The following SP1 variants were observed in gnomAD, a reference collection of about 807,000 sequenced individuals.
The protein encoded by SP1 is Sp1 transcription factor.
In SP1, 6 loss-of-function variants were observed where a neutral mutation model predicts 66.3. That is an observed-to-expected ratio of 0.09 (90% CI 0.05 to 0.18). The LOEUF is 0.18. SP1 is among the 10% of genes least tolerant of loss of function. The pLI, the probability that SP1 is intolerant of heterozygous loss-of-function variation, is 1.00. For missense variants in SP1, 848 were observed against 964.5 expected (o/e 0.88, Z 1.60); for synonymous variants, 417 against 360.8 (o/e 1.16, Z -1.77).
chr12:53,415,041 T>C lies in SP1; in HGVS notation c.*3801T>C, dbSNP rs1212031296. ...TGTGAAATCTCAGAATTTATCTCCC[T>C]TAGAAGAGAGCCAGTAACTTATGTA... is the stretch of plus-strand genomic sequence containing the variant. On this transcript the variant is annotated 3_prime_UTR_variant, in exon 6 of 6. Coordinates refer to ENST00000327443, the MANE Select transcript of SP1 (RefSeq NM_138473.3). 6.6e-6 allele frequency: 1 copy of C among 152,554 alleles called. No homozygotes were observed. Among genetic ancestry groups the C allele is most frequent in the Non-Finnish European group, 1.5e-5 (1 of 68,040 alleles). 9.5% of individuals were successfully genotyped at this position (152,554 alleles called of 1,614,324 possible). A position where few individuals can be genotyped will look rare whatever the true frequency, so the allele number is the denominator to read the frequency against.
chr12:53,401,222 G>A lies in SP1; in HGVS notation c.1676-5363G>A, dbSNP rs1386410467. ...TCCCAGCACCTTGGCAGGCCAAGGC[G>A]GGTGGATCACCTGAGGTCGGGAGTT... On this transcript the variant is annotated intron_variant, in intron 3 of 5. Transcript: ENST00000327443. Among the ~76,000 whole-genome samples the A allele has an allele frequency of 5.3e-5, 8 of 151,870 alleles. No individual in the cohort carries two copies. In the South Asian group the frequency reaches 1.3e-3, roughly 24 times the overall value.
chr12:53,409,608 A>G (rs770310138), intron 5 of SP1, 47 bp downstream of exon 5: 2 of 1,442,354 alleles, frequency 1.4e-6, no homozygotes, highest in African/African-American at 1.4e-5. Flanking sequence ...GACTAGAATG[A>G]AAAACACAAA....
At chr12:53,403,196 T>C (rs149383855) in intron 3 of SP1, among the ~76,000 whole-genome samples, 1 of 152,148 alleles carries the variant, frequency 6.6e-6, no homozygotes, top group Non-Finnish European at 1.5e-5. Context: ...CTCAAAATTA[T>C]GTGGAAGAGC....
chr12:53,380,582 G>A, intron 1 of SP1: 2 of 941,208 alleles, frequency 2.1e-6, no homozygotes, highest in Non-Finnish European at 2.6e-6. Flanking sequence ...CCCACTACTC[G>A]GCCGCCCGCC....
Position 53,383,218 on chromosome 12 carries a change from C to T in SP1, c.1271C>T (p.Thr424Ile). The T allele has an allele frequency of 1.2e-6, 2 of 1,614,202 alleles. No individual in the cohort carries two copies. Among genetic ancestry groups the T allele is most frequent in the Non-Finnish European group, 1.7e-6 (2 of 1,180,034 alleles). Residue 424 changes from threonine to isoleucine, a missense_variant, in exon 3 of 6, where the codon ACC (threonine) becomes ATC (isoleucine). Thr to Ile is a moderately conservative substitution (Grantham distance 89). Transcript: ENST00000327443. ...CAAGCAGCACCATTGTCAGGGCAGA[C>T]CTTTACAACTCAAGCCATCTCCCAG... ...ALQAAPLSGQ[T>I]FTTQAISQET... is the part of the protein sequence containing the mutation.
intron 3 of SP1, among the ~76,000 whole-genome samples, chr12:53,402,210 T>C (rs1260218527): frequency 6.6e-6 from 1 of 150,446 alleles, no homozygotes; most frequent in African/African-American, 2.4e-5. Context: ...TTTAGTGCCA[T>C]AGGCTGCACC....
chr12:53,384,621 C>T (rs1159321189), intron 3 of SP1, among the ~76,000 whole-genome samples: 3 of 152,138 alleles, frequency 2.0e-5, no homozygotes, highest in Non-Finnish European at 4.4e-5. Flanking sequence ...TTCCACACCC[C>T]TTTAAAAATG....
At chr12:53,394,291 G>T (rs1012311932) in intron 3 of SP1, among the ~76,000 whole-genome samples, 37 of 151,754 alleles carry the variant, frequency 2.4e-4, no homozygotes, top group African/African-American at 9.0e-4. Flanking sequence ...TAAATTTTGT[G>T]TAGATCATTT....
chr12:53,408,604 C>T (rs2136919000), intron 4 of SP1, among the ~76,000 whole-genome samples: 1 of 149,552 alleles, frequency 6.7e-6, no homozygotes, highest in Non-Finnish European at 1.5e-5. Flanking sequence ...CCCCTAGAAA[C>T]CTTTTTAAAA....
intron 3 of SP1, among the ~76,000 whole-genome samples, chr12:53,384,235 C>T (rs1374308478): frequency 6.6e-6 from 1 of 151,822 alleles, no homozygotes; most frequent in African/African-American, 2.4e-5. Flanking sequence ...TCCCAAAGTG[C>T]TGGGATTACA....
intron 4 of SP1, among the ~76,000 whole-genome samples, chr12:53,408,673 G>A (rs538673630): frequency 3.2e-4 from 49 of 151,684 alleles, no homozygotes; most frequent in Non-Finnish European, 6.2e-4. Flanking sequence ...TTGGGAGGCC[G>A]AGGTGGGTGG....
chr12:53,397,579 CTTTTTTTTTCT>C (rs1357671469), intron 3 of SP1, among the ~76,000 whole-genome samples: 24 of 144,084 alleles, frequency 1.7e-4, no homozygotes, highest in South Asian at 6.6e-4. Flanking sequence ...ACTCTTTTTC[CTTTTTTTTTCT>C]TTTTTTTTTT....
chr12:53,405,707 G>C (rs555936743), intron 3 of SP1, among the ~76,000 whole-genome samples: 1 of 151,718 alleles, frequency 6.6e-6, no homozygotes, highest in East Asian at 1.9e-4. Flanking sequence ...AGGAAGGAGG[G>C]AAGGAGGGAG....
At position 53,414,065 on chromosome 12, in the gene SP1, A is replaced by G. The variant is rs184633442; in HGVS notation, c.*2825A>G. 2.8e-4 allele frequency: 43 copies of G among 152,338 alleles called. No homozygotes were observed. Among genetic ancestry groups the G allele is most frequent in the African/African-American group, 1.0e-3 (42 of 41,574 alleles). The allele number at this position is 152,338 out of a possible 1,614,324, so 9.4% of individuals were successfully genotyped here. ...CTTCCACAGGAAGTTTGGAGCCTACATTCCTTGAGTCAGGAGCTTATTACA... is the reference window on the plus strand; with the variant it reads ...CTTCCACAGGAAGTTTGGAGCCTACGTTCCTTGAGTCAGGAGCTTATTACA... On this transcript the variant is annotated 3_prime_UTR_variant, in exon 6 of 6. Transcript: ENST00000327443.
intron 3 of SP1, among the ~76,000 whole-genome samples, chr12:53,385,464 G>A (rs181602767): frequency 5.8e-4 from 87 of 151,266 alleles, no homozygotes; most frequent in African/African-American, 1.8e-3. Context: ...GCATGGTGGC[G>A]CGCACCTGTA....
At chr12:53,390,993 A>T (rs1284672525) in intron 3 of SP1, among the ~76,000 whole-genome samples, 1 of 152,082 alleles carries the variant, frequency 6.6e-6, no homozygotes, top group South Asian at 2.1e-4. Context: ...ACCCTCTTTG[A>T]AAATGTTTTA....
At chr12:53,401,055 C>T (rs1279783886) in intron 3 of SP1, among the ~76,000 whole-genome samples, 1 of 152,036 alleles carries the variant, frequency 6.6e-6, no homozygotes, top group Non-Finnish European at 1.5e-5. Flanking sequence ...AGGCATGAGC[C>T]ACCTCATCTG....
intron 3 of SP1, among the ~76,000 whole-genome samples, chr12:53,404,874 C>G (rs1407755218): frequency 4.6e-5 from 7 of 151,888 alleles, no homozygotes; most frequent in Admixed American, 4.6e-4. Flanking sequence ...CTCGCTCTGT[C>G]GGCCAGGCTG....
intron 3 of SP1, among the ~76,000 whole-genome samples, chr12:53,396,929 T>G (rs558583682): frequency 8.5e-4 from 130 of 152,160 alleles, no homozygotes; most frequent in Middle Eastern, 3.4e-3. Flanking sequence ...ACACCCGGCC[T>G]CTCCTGTTTT....
Sources: allele counts gnomAD v4.1 joint callset (sites outside exome capture counted in the v4.1 genomes callset), GRCh38; gene constraint gnomAD v4.1.1; transcripts MANE v1.5; gene names NCBI Gene and HGNC (gene_info 2026-07-23, HGNC 2026-07-21).